MYOM2: variants seen among roughly 807,000 people sequenced by gnomAD.
MYOM2 encodes the protein myomesin 2.
MYOM2 carries 254 observed loss-of-function variants against 187.6 expected under a neutral mutation model. The ratio of observed to expected loss-of-function variants is 1.35; its 90% CI spans 1.22 to 1.50. MYOM2 has a LOEUF of 1.50. MYOM2 is among the 40% of genes most tolerant of loss of function. MYOM2 has a pLI of 0.00. For synonymous variants in MYOM2, 981 were observed against 753.8 expected, an observed-to-expected ratio of 1.30 and a Z score of -4.94; for missense variants, 2,796 against 1,924.0, an observed-to-expected ratio of 1.45 and a Z score of -8.48.
intron 2 of MYOM2, among the ~76,000 whole-genome samples, chr8:2,051,117 C>T (rs1309734471): frequency 6.6e-6 from 1 of 152,034 alleles, no homozygotes; most frequent in Non-Finnish European, 1.5e-5. Context: ...GGCAGGAAGT[C>T]CTTTGTATGA....
chr8:2,118,574 G>T (rs537024206), intron 28 of MYOM2, among the ~76,000 whole-genome samples: 3 of 152,206 alleles, frequency 2.0e-5, no homozygotes, highest in Non-Finnish European at 2.9e-5. Flanking sequence ...TGAGCTGCGT[G>T]TGCCAAGGGG....
At chr8:2,064,160 G>A (rs570096035) in intron 6 of MYOM2, among the ~76,000 whole-genome samples, 4 of 152,172 alleles carry the variant, frequency 2.6e-5, no homozygotes, top group East Asian at 1.9e-4. Context: ...CTGCTCCGTC[G>A]TCTGCCCAGG....
chr8:2,096,303 A>T lies in MYOM2; in HGVS notation c.2182A>T (p.Thr728Ser), dbSNP rs749930306. ...TLLNCDGHSMTLGWKVPKFSG... is the reference protein window; with the variant it reads ...TLLNCDGHSMSLGWKVPKFSG... Reference sequence around the variant, plus strand: ...CCTCAACTGTGACGGCCACTCCATGACCCTCGGCTGGAAGGTCCCGAAATT... The same window carrying T: ...CCTCAACTGTGACGGCCACTCCATGTCCCTCGGCTGGAAGGTCCCGAAATT... Residue 728 changes from threonine to serine, a missense_variant, in exon 18 of 37, where the codon ACC (threonine) becomes TCC (serine). Thr to Ser is a moderately conservative substitution (Grantham distance 58). Coordinates refer to ENST00000262113, the MANE Select transcript of MYOM2 (RefSeq NM_003970.4). The T allele has an allele frequency of 1.2e-6, 2 of 1,614,102 alleles. No individual in the cohort carries two copies. Among genetic ancestry groups the T allele is most frequent in the Non-Finnish European group, 1.7e-6 (2 of 1,180,026 alleles).
rs760071591 is a variant in MYOM2 at position 2,109,542 on chromosome 8, G to A, written c.3180+11G>A. The A allele has an allele frequency of 1.1e-5, 17 of 1,603,102 alleles. No individual in the cohort carries two copies. The highest frequency in any genetic ancestry group is 1.4e-5 in the Non-Finnish European group (16 of 1,175,812). ...GTCTCTGACAGCGAGGTGAGTTCCT[G>A]TGTGAGTGATCTCTGGCTTTGCAGG... is the stretch of plus-strand genomic sequence containing the variant. On this transcript the variant is annotated intron_variant, in intron 25 of 36. Coordinates refer to ENST00000262113, the MANE Select transcript of MYOM2 (RefSeq NM_003970.4).
chr8:2,085,225 G>A (rs1167039260), intron 13 of MYOM2, 38 bp from the exon 14 acceptor site: 6 of 1,603,598 alleles, frequency 3.7e-6, no homozygotes, highest in East Asian at 2.2e-5. Context: ...AGGCTGATGG[G>A]GGTCCTTCAG....
intron 34 of MYOM2, among the ~76,000 whole-genome samples, chr8:2,141,980 G>C (rs1322983061): frequency 6.6e-6 from 1 of 151,748 alleles, no homozygotes; most frequent in Non-Finnish European, 1.5e-5. Flanking sequence ...CTTATTTAAT[G>C]AACATTTGTT....
chr8:2,116,299 C>G, intron 27 of MYOM2, 24 bp downstream of exon 27: 1 of 1,600,436 alleles, frequency 6.2e-7, no homozygotes, highest in Non-Finnish European at 8.5e-7. Flanking sequence ...CTCTGACCGG[C>G]TCCCCTGCCC....
intron 8 of MYOM2, among the ~76,000 whole-genome samples, chr8:2,071,007 G>A (rs994272427): frequency 7.2e-5 from 11 of 151,732 alleles, no homozygotes; most frequent in African/African-American, 2.2e-4. Flanking sequence ...TCACTCGGTC[G>A]CCCAGGCTGG....
chr8:2,101,352 CA>C (rs1796703151), intron 20 of MYOM2, among the ~76,000 whole-genome samples: 1 of 152,198 alleles, frequency 6.6e-6, no homozygotes, highest in Non-Finnish European at 1.5e-5. Flanking sequence ...GACTCTGTCT[CA>C]AAAACAAAAC....
At chr8:2,077,335 CA>C (rs1211057910) in intron 11 of MYOM2, among the ~76,000 whole-genome samples, 6 of 151,354 alleles carry the variant, frequency 4.0e-5, no homozygotes, top group African/African-American at 9.7e-5. Flanking sequence ...AAACAAAAAA[CA>C]AAAAAACAAA....
At chr8:2,069,967 G>T (rs117637996) in intron 8 of MYOM2, among the ~76,000 whole-genome samples, 6 of 152,216 alleles carry the variant, frequency 3.9e-5, no homozygotes, top group Admixed American at 6.5e-5. Context: ...AATGACTTCA[G>T]GTCAAAACAA....
rs536268806 is a variant in MYOM2, at chr8:2,091,411, G to A, written c.1829-935G>A. ...TGGAAGGTTTCAAATACAAATTACA[G>A]AAATTTTGAATTGCAATCCCTGGAG... On this transcript the variant is annotated intron_variant, in intron 15 of 36. Coordinates refer to ENST00000262113, the MANE Select transcript of MYOM2 (RefSeq NM_003970.4). 7.9e-5 allele frequency among the ~76,000 whole-genome samples: 12 copies of A among 152,228 alleles called. No homozygotes were observed. In the South Asian group the frequency reaches 1.9e-3, roughly 24 times the overall value.
At chr8:2,089,067 A>G (rs1796196122) in intron 14 of MYOM2, among the ~76,000 whole-genome samples, 1 of 152,006 alleles carries the variant, frequency 6.6e-6, no homozygotes, top group Admixed American at 6.6e-5. Flanking sequence ...AATGAGAGAA[A>G]ACTCCTTCAA....
At chr8:2,137,699 G>C (rs73657782) in intron 32 of MYOM2, among the ~76,000 whole-genome samples, 26,559 of 152,022 alleles carry the variant, frequency 0.17, 4,576 homozygotes, top group African/African-American at 0.44. Context: ...AGTTCCACAT[G>C]CTTGTGGAAC....
intron 14 of MYOM2, among the ~76,000 whole-genome samples, chr8:2,089,371 A>G (rs954411437): frequency 6.6e-6 from 1 of 152,218 alleles, no homozygotes; most frequent in Non-Finnish European, 1.5e-5. Flanking sequence ...TGTGGTACAT[A>G]TATTTATAGT....
chr8:2,102,898 A>G, intron 21 of MYOM2, 117 bp downstream of exon 21: 1 of 738,874 alleles, frequency 1.4e-6, no homozygotes, highest in Non-Finnish European at 2.3e-6. Context: ...AACACGTGTT[A>G]TGTGTGTATG....
At chr8:2,112,791 A>G (rs1797110482) in intron 25 of MYOM2, among the ~76,000 whole-genome samples, 1 of 152,204 alleles carries the variant, frequency 6.6e-6, no homozygotes, top group South Asian at 2.1e-4. Context: ...TTATCAGAAG[A>G]AGGTTGCTGA....
chr8:2,109,931 C>G (rs1284339684), intron 25 of MYOM2, among the ~76,000 whole-genome samples: 1 of 152,170 alleles, frequency 6.6e-6, no homozygotes, highest in African/African-American at 2.4e-5. Flanking sequence ...GACAGCTTCC[C>G]ATGGAAGGCA....
chr8:2,059,870 G>A (rs1001591138), intron 6 of MYOM2, among the ~76,000 whole-genome samples: 14 of 151,466 alleles, frequency 9.2e-5, no homozygotes, highest in African/African-American at 3.4e-4. Context: ...AGCCTCCCCA[G>A]TAGTGGGGAT....
Sources: gnomAD v4.1 joint callset for allele counts (sites outside exome capture counted in the v4.1 genomes callset) on GRCh38, gnomAD v4.1.1 for gene constraint, MANE v1.5 for transcripts, NCBI Gene and HGNC (gene_info 2026-07-23, HGNC 2026-07-21) for gene names.